Variants in BIVM observed in about 807,000 individuals in gnomAD.
BIVM encodes basic immunoglobulin-like variable motif-containing protein.
In BIVM, 31 loss-of-function variants were observed where a neutral mutation model predicts 61.4. The observed-to-expected ratio is 0.51, with a 90% CI of 0.38 to 0.68. BIVM has a LOEUF of 0.68. Among genes scored for constraint, BIVM ranks in the 30% least tolerant of loss-of-function variants. The pLI, the probability that BIVM is intolerant of heterozygous loss-of-function variation, is 0.00. For missense variants in BIVM, 526 were observed against 596.0 expected (o/e 0.88, Z 1.22); for synonymous variants, 189 against 210.7 (o/e 0.90, Z 0.89).
chr13:102,801,245 AT>A (rs34160315), intron 1 of BIVM, among the ~76,000 whole-genome samples: 10,375 of 142,304 alleles, frequency 0.073, 408 homozygotes, highest in African/African-American at 0.12. Flanking sequence ...TTAGTAGTAA[AT>A]TTTTTTTTTT....
intron 4 of BIVM, among the ~76,000 whole-genome samples, chr13:102,819,396 C>A (rs1386514985): frequency 6.6e-6 from 1 of 152,054 alleles, no homozygotes; most frequent in African/African-American, 2.4e-5. Flanking sequence ...AAGAACAAAG[C>A]AAAACTGAGG....
At chr13:102,817,369 A>G (rs986114539) in intron 4 of BIVM, among the ~76,000 whole-genome samples, 6 of 152,200 alleles carry the variant, frequency 3.9e-5, no homozygotes, top group African/African-American at 1.4e-4. Flanking sequence ...CATTTTATGC[A>G]AGAACACTGC....
At chr13:102,832,038 G>C (rs1159798170) in intron 8 of BIVM, among the ~76,000 whole-genome samples, 2 of 152,042 alleles carry the variant, frequency 1.3e-5, no homozygotes, top group African/African-American at 4.8e-5. Context: ...ATATTGGGAG[G>C]CTTGGCCATC....
intron 3 of BIVM, among the ~76,000 whole-genome samples, chr13:102,811,034 T>C (rs921617159): frequency 6.6e-6 from 1 of 152,258 alleles, no homozygotes; most frequent in Non-Finnish European, 1.5e-5. Flanking sequence ...CCTGGCCTAC[T>C]ACTAGCTTTT....
chr13:102,807,254 T>G lies in BIVM; in HGVS notation c.-14T>G. ...AACTTGTTTCTAGTAATAGAAACTTTTACACTGCATTCAATGCCTAACGTT... is the reference window on the plus strand; with the variant it reads ...AACTTGTTTCTAGTAATAGAAACTTGTACACTGCATTCAATGCCTAACGTT... On this transcript the variant is annotated 5_prime_UTR_variant, in exon 3 of 11. Coordinates refer to ENST00000257336, the MANE Select transcript of BIVM (RefSeq NM_017693.4). The surrounding 1 kb of genome is among the most constrained non-coding windows in gnomAD (Gnocchi z 4.0). 1 of 1,581,948 alleles carries G rather than the reference T, an allele frequency of 6.3e-7. No homozygotes were observed.
At chr13:102,836,180 ATTTAT>A (rs1314272232) in intron 9 of BIVM, among the ~76,000 whole-genome samples, 2 of 145,792 alleles carry the variant, frequency 1.4e-5, no homozygotes, top group South Asian at 2.2e-4. Flanking sequence ...TCTTAATTAA[ATTTAT>A]TTTATCAATT....
intron 1 of BIVM, among the ~76,000 whole-genome samples, chr13:102,804,477 AT>A (rs112704418): frequency 6.6e-6 from 1 of 152,008 alleles, no homozygotes; most frequent in South Asian, 2.1e-4. Context: ...TGCCCAGCTA[AT>A]TTTTTTGTGT....
Position 102,807,842 on chromosome 13 carries a change from A to G in BIVM, c.478+97A>G. ...CCATTACACATAGTTTCCTTGTATA[A>G]TACTAGATAAGGAACATGGCTATCA... On this transcript the variant is annotated intron_variant, in intron 3 of 10. Transcript: ENST00000257336. The surrounding 1 kb of genome is among the most constrained non-coding windows in gnomAD (Gnocchi z 4.0). 7.9e-7 allele frequency: 1 copy of G among 1,270,862 alleles called. No individual in the cohort carries two copies. Among genetic ancestry groups the G allele is most frequent in the Non-Finnish European group, 1.1e-6 (1 of 934,762 alleles). The allele number at this position is 1,270,862 out of a possible 1,614,324, so 78.7% of individuals were successfully genotyped here. A position where few individuals can be genotyped will look rare whatever the true frequency, so the allele number is the denominator to read the frequency against.
At position 102,807,687 on chromosome 13, in the gene BIVM, A is replaced by G. The variant is rs1228236829; in HGVS notation, c.420A>G (p.Ala140=). 1.2e-6 allele frequency: 2 copies of G among 1,614,078 alleles called. No homozygotes were observed. Among genetic ancestry groups the G allele is most frequent in the South Asian group, 2.2e-5 (2 of 91,068 alleles). The change falls in exon 3 of 11, where the codon GCA becomes GCG. Residue 140 remains alanine (A), a synonymous_variant. Transcript: ENST00000257336. This position sits in a 1 kb window ranked among gnomAD's most constrained non-coding sequence, Gnocchi z 4.0. ...ACAGCCTGGGCAAGCTACCTCTCGC[A>G]TGGGAAATTGATAAATCTGAATTTG... The part of the protein sequence containing the change: ...LSNSLGKLPL[A]WEIDKSEFDG...
At chr13:102,833,327 G>GTTTTTTTTTTTTTGT (rs1881236015) in intron 8 of BIVM, among the ~76,000 whole-genome samples, 1 of 79,598 alleles carries the variant, frequency 1.3e-5, no homozygotes, top group Non-Finnish European at 2.6e-5. Context: ...GATAGGATGG[G>GTTTTTTTTTTTTTGT]TTTTTTTTTT....
At chr13:102,827,823 T>G (rs572121190) in intron 7 of BIVM, among the ~76,000 whole-genome samples, 19 of 152,318 alleles carry the variant, frequency 1.2e-4, no homozygotes, top group African/African-American at 4.6e-4. Context: ...TCTGATGGTA[T>G]TCAGGCGGTA....
intron 4 of BIVM, among the ~76,000 whole-genome samples, chr13:102,817,742 A>G (rs1426553659): frequency 6.6e-6 from 1 of 151,884 alleles, no homozygotes; most frequent in African/African-American, 2.4e-5. Flanking sequence ...TCACTGATCA[A>G]CTGGGGCTAT....
rs1379368883 is a variant in BIVM, at chr13:102,841,148, C to G, written c.*1283C>G. ...CCTCTAGTTGCTGTTGGTTTTTCTT[C>G]TGCTGCCAACCTGTGACTCACAAAT... On this transcript the variant is annotated 3_prime_UTR_variant, in exon 11 of 11. Transcript: ENST00000257336. 6.6e-6 allele frequency: 1 copy of G among 152,522 alleles called. No individual in the cohort carries two copies. The highest frequency in any genetic ancestry group is 1.5e-5 in the Non-Finnish European group (1 of 68,038). The allele number at this position is 152,522 out of a possible 1,614,324, so 9.4% of individuals were successfully genotyped here.
At chr13:102,825,366 G>A (rs1293437918) in intron 7 of BIVM, among the ~76,000 whole-genome samples, 2 of 152,184 alleles carry the variant, frequency 1.3e-5, no homozygotes, top group African/African-American at 4.8e-5. Context: ...CCAAAGTGCT[G>A]GGATTACAGG....
At chr13:102,828,920 C>T (rs568277069) in intron 7 of BIVM, among the ~76,000 whole-genome samples, 5 of 151,736 alleles carry the variant, frequency 3.3e-5, no homozygotes, top group Non-Finnish European at 5.9e-5. Flanking sequence ...ATCCCAGCTA[C>T]TTGGGAGGCT....
chr13:102,817,656 T>C (rs567694848), intron 4 of BIVM, among the ~76,000 whole-genome samples: 1 of 152,236 alleles, frequency 6.6e-6, no homozygotes, highest in East Asian at 1.9e-4. Context: ...TGAATATTTG[T>C]TGCAAAATGG....
chr13:102,832,991 G>A (rs1178719140), intron 8 of BIVM, among the ~76,000 whole-genome samples: 1 of 152,140 alleles, frequency 6.6e-6, no homozygotes, highest in Non-Finnish European at 1.5e-5. Context: ...GGTGGGTGGG[G>A]TGCAGTGGTG....
intron 9 of BIVM, among the ~76,000 whole-genome samples, chr13:102,835,395 C>A (rs988840406): frequency 1.3e-5 from 2 of 152,174 alleles, no homozygotes; most frequent in African/African-American, 4.8e-5. Context: ...CTGCACCAAT[C>A]ACCACTATAT....
At chr13:102,839,165 G>C (rs887740064) in intron 10 of BIVM, among the ~76,000 whole-genome samples, 2 of 152,196 alleles carry the variant, frequency 1.3e-5, no homozygotes, top group African/African-American at 2.4e-5. Context: ...CTGTGGCCTT[G>C]TGGCAGAGTC....
Sources: gnomAD v4.1 joint callset for allele counts (sites outside exome capture counted in the v4.1 genomes callset) on GRCh38, gnomAD v4.1.1 for gene constraint, Gnocchi (gnomAD v3.1) non-coding constraint, MANE v1.5 for transcripts, NCBI Gene and HGNC (gene_info 2026-07-23, HGNC 2026-07-21) for gene names.